The following MRTFB variants were observed in gnomAD, a reference collection of about 807,000 sequenced individuals.
MRTFB encodes the protein myocardin related transcription factor B, also known as myocardin-related transcription factor B.
A neutral mutation model predicts 104.2 loss-of-function variants in MRTFB; 29 were observed. That is an observed-to-expected ratio of 0.28 (90% CI 0.21 to 0.38). MRTFB has a LOEUF of 0.38. MRTFB is among the 10% of genes least tolerant of loss of function. The pLI, the probability that MRTFB is intolerant of heterozygous loss-of-function variation, is 1.00. For missense variants in MRTFB, 1,270 were observed against 1,341.6 expected, an observed-to-expected ratio of 0.95 and a Z score of 0.83; for synonymous variants, 535 against 519.5, an observed-to-expected ratio of 1.03 and a Z score of -0.41.
chr16:14,032,935 C>T, the MRTFB span, among the ~76,000 whole-genome samples: 2 of 152,088 alleles, frequency 1.3e-5, no homozygotes, highest in Non-Finnish European at 2.9e-5. Flanking sequence ...AATCCTCCCA[C>T]CTCAGCCTCC....
At chr16:14,038,115 C>T in the MRTFB span, among the ~76,000 whole-genome samples, 1 of 152,144 alleles carries the variant, frequency 6.6e-6, no homozygotes, top group Non-Finnish European at 1.5e-5. Flanking sequence ...AAGTTCAAGA[C>T]CAAGGTATCA....
chr16:14,187,756 C>A (rs1396416413), intron 3 of MRTFB, among the ~76,000 whole-genome samples: 1 of 152,222 alleles, frequency 6.6e-6, no homozygotes, highest in Non-Finnish European at 1.5e-5. Context: ...AGCTTGCCTT[C>A]CTGTAGCCAG....
the MRTFB span, among the ~76,000 whole-genome samples, chr16:14,064,957 G>C: frequency 5.3e-5 from 8 of 152,034 alleles, no homozygotes; most frequent in African/African-American, 1.9e-4. Flanking sequence ...TTTTGGTTCC[G>C]TGTGAATTTT....
chr16:14,128,963 A>G (rs557505262), intron 2 of MRTFB, among the ~76,000 whole-genome samples: 2 of 152,188 alleles, frequency 1.3e-5, no homozygotes, highest in East Asian at 3.9e-4. Flanking sequence ...GGCAGCCACT[A>G]CTCTGTTCTC....
At chr16:14,125,543 T>A (rs1327385857) in intron 2 of MRTFB, among the ~76,000 whole-genome samples, 1 of 152,256 alleles carries the variant, frequency 6.6e-6, no homozygotes, top group African/African-American at 2.4e-5. Flanking sequence ...GACTCTTCTC[T>A]AGCAAGCACC....
chr16:14,158,577 C>T (rs28699649), intron 3 of MRTFB, among the ~76,000 whole-genome samples: 35,647 of 152,048 alleles, frequency 0.23, 7,910 homozygotes, highest in African/African-American at 0.57. Flanking sequence ...ATAACTTTCA[C>T]ATGAAAGGTA....
intron 2 of MRTFB, among the ~76,000 whole-genome samples, chr16:14,083,589 C>T (rs1017433616): frequency 2.0e-5 from 3 of 152,218 alleles, no homozygotes; most frequent in Non-Finnish European, 4.4e-5. Flanking sequence ...TTACTTCCCT[C>T]TGTTTCCCCC....
intron 3 of MRTFB, among the ~76,000 whole-genome samples, chr16:14,145,068 T>C (rs1021839266): frequency 7.3e-5 from 11 of 150,738 alleles, no homozygotes; most frequent in Admixed American, 4.0e-4. Context: ...AAATCTAAGT[T>C]TTTGACAGTT....
intron 1 of MRTFB, 112 bp from the exon 2 acceptor site, chr16:14,079,178 C>A: frequency 1.7e-5 from 5 of 285,720 alleles, no homozygotes; most frequent in East Asian, 4.9e-5. Flanking sequence ...TTAATAACTT[C>A]GATTTTGTTA....
intron 3 of MRTFB, chr16:14,150,710 C>T (rs2038571917): frequency 6.6e-6 from 1 of 152,130 alleles, no homozygotes; most frequent in African/African-American, 2.4e-5. Flanking sequence ...CACATATCTA[C>T]AGTATTTTAC....
chr16:14,094,159 G>A (rs1018225993), intron 2 of MRTFB, among the ~76,000 whole-genome samples: 2 of 152,044 alleles, frequency 1.3e-5, no homozygotes, highest in African/African-American at 2.4e-5. Flanking sequence ...GGGCTTGTCC[G>A]GCTCACTCCT....
intron 2 of MRTFB, among the ~76,000 whole-genome samples, chr16:14,095,253 G>C (rs1160462037): frequency 6.6e-6 from 1 of 152,184 alleles, no homozygotes; most frequent in Non-Finnish European, 1.5e-5. Context: ...AACATCAAGT[G>C]CTTATGGTGA....
intron 9 of MRTFB, among the ~76,000 whole-genome samples, chr16:14,236,424 A>G (rs2042512928): frequency 6.6e-6 from 1 of 152,214 alleles, no homozygotes; most frequent in South Asian, 2.1e-4. Flanking sequence ...TGTTCTGGGT[A>G]CTAGGAATAG....
chr16:14,127,262 C>T (rs749309032), intron 2 of MRTFB, among the ~76,000 whole-genome samples: 3 of 152,118 alleles, frequency 2.0e-5, no homozygotes, highest in East Asian at 1.9e-4. Flanking sequence ...TGACACAAAA[C>T]GGAGTGAAGG....
At chr16:14,128,497 G>A (rs1256242645) in intron 2 of MRTFB, among the ~76,000 whole-genome samples, 1 of 152,112 alleles carries the variant, frequency 6.6e-6, no homozygotes, top group Non-Finnish European at 1.5e-5. Flanking sequence ...CACCTACTGC[G>A]GCCTTCAGCT....
At chr16:14,209,601 C>T (rs1199159847) in intron 3 of MRTFB, among the ~76,000 whole-genome samples, 2 of 152,020 alleles carry the variant, frequency 1.3e-5, no homozygotes, top group Admixed American at 6.6e-5. Flanking sequence ...TAATGTATAT[C>T]TTGTTCTCTG....
intron 3 of MRTFB, among the ~76,000 whole-genome samples, chr16:14,202,511 T>TG (rs1490075208): frequency 6.6e-6 from 1 of 152,182 alleles, no homozygotes; most frequent in Non-Finnish European, 1.5e-5. Flanking sequence ...CCCCTTTGAC[T>TG]GCAAAATAAA....
At chr16:14,064,707 G>A in the MRTFB span, among the ~76,000 whole-genome samples, 4 of 152,110 alleles carry the variant, frequency 2.6e-5, no homozygotes, top group African/African-American at 4.8e-5. Flanking sequence ...ACCATTTATT[G>A]AAAAGGGAAT....
the MRTFB span, among the ~76,000 whole-genome samples, chr16:14,025,039 A>G: frequency 6.6e-6 from 1 of 152,226 alleles, no homozygotes. Flanking sequence ...TAGTAATAGA[A>G]CAGTTCATGT....
Sources: gnomAD v4.1 joint callset for allele counts (sites outside exome capture counted in the v4.1 genomes callset) on GRCh38, gnomAD v4.1.1 for gene constraint, MANE v1.5 for transcripts, NCBI Gene and HGNC (gene_info 2026-07-23, HGNC 2026-07-21) for gene names.